TRPC5: variants seen among roughly 807,000 people sequenced by gnomAD.
TRPC5 encodes transient receptor potential cation channel subfamily C member 5.
A neutral mutation model predicts 56.5 loss-of-function variants in TRPC5; 9 were observed. The ratio of observed to expected loss-of-function variants is 0.16; its 90% CI spans 0.10 to 0.28. The LOEUF (loss-of-function observed/expected upper bound fraction) is 0.28. TRPC5 is among the 10% of genes least tolerant of loss of function. The pLI, the probability that TRPC5 is intolerant of heterozygous loss-of-function variation, is 1.00. For missense variants in TRPC5, 469 were observed against 748.9 expected, an observed-to-expected ratio of 0.63 and a Z score of 4.36; for synonymous variants, 282 against 278.5, an observed-to-expected ratio of 1.01 and a Z score of -0.13.
chrX:112,008,210 G>T (rs779850298), intron 1 of TRPC5, among the ~76,000 whole-genome samples: 3 of 112,236 alleles, frequency 2.7e-5, no homozygotes, highest in Non-Finnish European at 3.8e-5. Flanking sequence ...TCCCCAAGCT[G>T]CTGGGTCCTT....
intron 7 of TRPC5, among the ~76,000 whole-genome samples, chrX:111,797,026 C>A (rs978478322): frequency 8.9e-6 from 1 of 112,217 alleles, no homozygotes; most frequent in Non-Finnish European, 1.9e-5. Context: ...AGAGAGCTAT[C>A]CCTTACAATG....
intron 1 of TRPC5, among the ~76,000 whole-genome samples, chrX:111,999,415 A>G (rs113826721): frequency 0.011 from 1,262 of 111,171 alleles, 17 homozygotes; most frequent in African/African-American, 0.039. Context: ...AATGCCCTCC[A>G]GTTCTATCCA....
chrX:111,990,292 C>T (rs1414957770), intron 1 of TRPC5, among the ~76,000 whole-genome samples: 1 of 110,104 alleles, frequency 9.1e-6, no homozygotes, highest in Non-Finnish European at 1.9e-5. Flanking sequence ...GTGGTGGGCA[C>T]CTGTAATCCC....
At chrX:112,008,350 G>A (rs1928896394) in intron 1 of TRPC5, among the ~76,000 whole-genome samples, 1 of 111,859 alleles carries the variant, frequency 8.9e-6, no homozygotes, top group African/African-American at 3.2e-5. Flanking sequence ...CCAGCACTTT[G>A]GGAGGCCAAG....
intron 1 of TRPC5, among the ~76,000 whole-genome samples, chrX:112,034,798 G>A (rs1281274132): frequency 9.3e-6 from 1 of 107,888 alleles, no homozygotes; most frequent in Non-Finnish European, 1.9e-5. Flanking sequence ...GTTATTTTCT[G>A]TAAAGTTGGT....
chrX:111,968,103 C>A (rs903229041), intron 1 of TRPC5, among the ~76,000 whole-genome samples: 1 of 106,068 alleles, frequency 9.4e-6, no homozygotes, highest in Admixed American at 9.8e-5. Context: ...CCAGAATCTA[C>A]AATAAACTCA....
At position 111,802,943 on chromosome X, in the gene TRPC5, G is replaced by A. The variant is rs749146437; in HGVS notation, c.1897-20805C>T. On this transcript the variant is annotated intron_variant, in intron 7 of 10. Coordinates refer to ENST00000262839, the MANE Select transcript of TRPC5 (RefSeq NM_012471.3). ...AGGTTCAATACATAGGTATACATGCGCCATGTTGGTGTGCTGCACCCATCA... is the reference window on the plus strand; with the variant it reads ...AGGTTCAATACATAGGTATACATGCACCATGTTGGTGTGCTGCACCCATCA... 1.1e-4 allele frequency among the ~76,000 whole-genome samples: 12 copies of A among 109,972 alleles called. No homozygotes were observed. The South Asian group carries it at 3.2e-3, about 29-fold the overall frequency.
At chrX:111,863,902 A>T (rs1923472476) in intron 3 of TRPC5, among the ~76,000 whole-genome samples, 2 of 112,076 alleles carry the variant, frequency 1.8e-5, no homozygotes, top group Non-Finnish European at 3.8e-5. Context: ...TCATTAATGT[A>T]ATGTATTACA....
chrX:111,822,805 A>C (rs768367513), intron 7 of TRPC5, among the ~76,000 whole-genome samples: 2 of 111,556 alleles, frequency 1.8e-5, no homozygotes, highest in Non-Finnish European at 3.8e-5. Context: ...AGATGGGGAG[A>C]GGTATTTTTT....
chrX:111,788,881 A>C (rs1422750880), intron 7 of TRPC5, among the ~76,000 whole-genome samples: 1 of 111,915 alleles, frequency 8.9e-6, no homozygotes, highest in Non-Finnish European at 1.9e-5. Context: ...CTCTTCAAGG[A>C]GAACTACAAA....
In TRPC5 at chrX:111,952,382, C is replaced by T. The variant is rs150908311; in HGVS notation, c.39G>A (p.Pro13=). The change falls in exon 2 of 11, where the codon CCG becomes CCA. Residue 13 remains proline (P), a synonymous_variant. Coordinates refer to ENST00000262839, the MANE Select transcript of TRPC5 (RefSeq NM_012471.3). The part of the protein sequence containing the change: ...QLYYKKVNYS[P]YRDRIPLQIV... ...TTTGCAGGGGGATGCGGTCTCTGTA[C>T]GGTGAGTAGTTGACCTTTTTGTAGT... 5.8e-3 allele frequency: 7,006 copies of T among 1,208,130 alleles called. 20 individuals are homozygous for T. Among genetic ancestry groups the T allele is most frequent in the Non-Finnish European group, 7.0e-3 (6,246 of 894,428 alleles).
chrX:112,020,390 C>G (rs764368468), intron 1 of TRPC5, among the ~76,000 whole-genome samples: 4 of 111,632 alleles, frequency 3.6e-5, no homozygotes, highest in Non-Finnish European at 7.5e-5. Flanking sequence ...TCTTTGAAGG[C>G]GAGTAATCAT....
intron 1 of TRPC5, among the ~76,000 whole-genome samples, chrX:111,998,320 G>A (rs1444923920): frequency 8.9e-6 from 1 of 112,073 alleles, no homozygotes; most frequent in Non-Finnish European, 1.9e-5. Flanking sequence ...TGGGGTACAT[G>A]TGATATTTTG....
intron 1 of TRPC5, among the ~76,000 whole-genome samples, chrX:112,053,388 T>A (rs1370139418): frequency 8.9e-6 from 1 of 111,742 alleles, no homozygotes; most frequent in Non-Finnish European, 1.9e-5. Context: ...GTGGTGCCTA[T>A]GTTTCGGTGT....
At chrX:111,974,227 CT>C (rs1199715194) in intron 1 of TRPC5, among the ~76,000 whole-genome samples, 1 of 111,764 alleles carries the variant, frequency 8.9e-6, no homozygotes, top group African/African-American at 3.3e-5. Flanking sequence ...ATTTTCTAAG[CT>C]TGCTACCTTG....
intron 1 of TRPC5, among the ~76,000 whole-genome samples, chrX:111,997,727 T>C (rs747943669): frequency 3.6e-5 from 4 of 109,977 alleles, no homozygotes; most frequent in African/African-American, 1.3e-4. Flanking sequence ...CTGCTTGCTT[T>C]ATTTCATTAA....
chrX:111,963,645 G>A (rs981815137), intron 1 of TRPC5, among the ~76,000 whole-genome samples: 2 of 111,319 alleles, frequency 1.8e-5, no homozygotes, highest in African/African-American at 3.3e-5. Context: ...GAACAATCAG[G>A]CAGCAGCATT....
At chrX:111,893,304 A>G (rs368952156) in intron 3 of TRPC5, among the ~76,000 whole-genome samples, 2 of 110,930 alleles carry the variant, frequency 1.8e-5, no homozygotes, top group East Asian at 5.6e-4. Context: ...TTTGAAAACC[A>G]AAAAAATCTT....
intron 7 of TRPC5, among the ~76,000 whole-genome samples, chrX:111,783,600 C>T (rs908630446): frequency 9.1e-6 from 1 of 109,469 alleles, no homozygotes; most frequent in African/African-American, 3.3e-5. Flanking sequence ...GATCCTTTGC[C>T]CATTTTTATT....
Sources: gnomAD v4.1 joint callset for allele counts (sites outside exome capture counted in the v4.1 genomes callset) on GRCh38, gnomAD v4.1.1 for gene constraint, MANE v1.5 for transcripts, NCBI Gene and HGNC (gene_info 2026-07-23, HGNC 2026-07-21) for gene names.